ZFPM2: variants seen among roughly 807,000 people sequenced by gnomAD.
ZFPM2 encodes the protein zinc finger protein, FOG family member 2, also known as zinc finger protein ZFPM2.
ZFPM2 carries 20 observed loss-of-function variants against 98.6 expected under a neutral mutation model. That is an observed-to-expected ratio of 0.20 (90% CI 0.14 to 0.29). The LOEUF (loss-of-function observed/expected upper bound fraction) is 0.29, where lower values mean the gene tolerates loss of function less well. Ranked by LOEUF, ZFPM2 falls within the 10% of genes least tolerant of loss-of-function variation. The probability of loss-of-function intolerance (pLI) is 1.00; values close to 1 mark genes in which losing one functional copy is unlikely to be tolerated. For synonymous variants in ZFPM2, 518 were observed against 502.7 expected, an observed-to-expected ratio of 1.03 and a Z score of -0.41; for missense variants, 1,310 against 1,388.6, an observed-to-expected ratio of 0.94 and a Z score of 0.90.
chr8:105,522,357 T>C (rs1782155981), intron 3 of ZFPM2, among the ~76,000 whole-genome samples: 1 of 152,230 alleles, frequency 6.6e-6, no homozygotes, highest in Admixed American at 6.5e-5. Flanking sequence ...CTTTTCACCA[T>C]GTAATTAAAT....
intron 5 of ZFPM2, among the ~76,000 whole-genome samples, chr8:105,755,228 A>G (rs1250205216): frequency 1.3e-5 from 2 of 152,124 alleles, no homozygotes. Context: ...TTCCAACGCA[A>G]GTTTTGTGCC....
chr8:105,356,078 T>C (rs571145410), intron 1 of ZFPM2, among the ~76,000 whole-genome samples: 1 of 152,202 alleles, frequency 6.6e-6, no homozygotes, highest in Non-Finnish European at 1.5e-5. Flanking sequence ...TACATGGAAG[T>C]TTTTGTGAAA....
At chr8:105,396,238 C>T (rs1256733758) in intron 1 of ZFPM2, among the ~76,000 whole-genome samples, 2 of 152,090 alleles carry the variant, frequency 1.3e-5, no homozygotes, top group Admixed American at 6.6e-5. Flanking sequence ...ATAACATATT[C>T]GTTAGATACA....
chr8:105,350,310 G>A (rs191277986), intron 1 of ZFPM2, among the ~76,000 whole-genome samples: 134 of 152,254 alleles, frequency 8.8e-4, no homozygotes, highest in Non-Finnish European at 1.5e-3. Context: ...TTCCTTGGCC[G>A]TAGGTGGGTT....
chr8:105,529,946 G>T (rs143684485), intron 3 of ZFPM2, among the ~76,000 whole-genome samples: 2 of 151,948 alleles, frequency 1.3e-5, no homozygotes, highest in East Asian at 3.9e-4. Flanking sequence ...GGTCAGGCTG[G>T]TCTAGAACTC....
At chr8:105,783,754 T>C (rs966184135) in intron 5 of ZFPM2, among the ~76,000 whole-genome samples, 3 of 152,158 alleles carry the variant, frequency 2.0e-5, no homozygotes, top group African/African-American at 7.2e-5. Flanking sequence ...GTTGTATGTG[T>C]AGATCACATG....
chr8:105,586,896 T>C (rs1815731358), intron 4 of ZFPM2, among the ~76,000 whole-genome samples: 1 of 149,794 alleles, frequency 6.7e-6, no homozygotes, highest in Non-Finnish European at 1.5e-5. Flanking sequence ...TTTGGGAAAA[T>C]ATTTCTGCTT....
chr8:105,462,523 C>T (rs1488897677), intron 3 of ZFPM2, among the ~76,000 whole-genome samples: 2 of 152,112 alleles, frequency 1.3e-5, no homozygotes, highest in South Asian at 2.1e-4. Flanking sequence ...CCTTCAAATT[C>T]TGCTGCTCCA....
In ZFPM2 at chr8:105,566,929, A is replaced by G. The variant is rs73697388; in HGVS notation, c.420+5448A>G. Among the ~76,000 whole-genome samples, 313 of 152,270 alleles carry G rather than the reference A, an allele frequency of 2.1e-3. 2 individuals are homozygous for G. Among genetic ancestry groups the G allele is most frequent in the African/African-American group, 6.7e-3 (280 of 41,574 alleles). ...ACTGAATTTTTTTTAAAAAAATGAA[A>G]TATACATATAAAGGGCACTATAGAT... On this transcript the variant is annotated intron_variant, in intron 4 of 7. Transcript: ENST00000407775.
chr8:105,671,326 T>C (rs977701670), intron 5 of ZFPM2, among the ~76,000 whole-genome samples: 22 of 152,036 alleles, frequency 1.4e-4, no homozygotes, highest in Non-Finnish European at 1.9e-4. Context: ...TTGTCTTCCA[T>C]TTTATATTTA....
intron 2 of ZFPM2, among the ~76,000 whole-genome samples, chr8:105,427,377 G>A (rs1586364515): frequency 6.6e-6 from 1 of 152,122 alleles, no homozygotes; most frequent in Non-Finnish European, 1.5e-5. Context: ...ATGATAATAT[G>A]TACTACTGTT....
At chr8:105,608,930 A>G (rs1187987144) in intron 4 of ZFPM2, among the ~76,000 whole-genome samples, 1 of 152,064 alleles carries the variant, frequency 6.6e-6, no homozygotes, top group Non-Finnish European at 1.5e-5. Context: ...TGAACTATTT[A>G]GTGGGGGGCG....
At chr8:105,369,191 A>G (rs1191649729) in intron 1 of ZFPM2, among the ~76,000 whole-genome samples, 1 of 152,172 alleles carries the variant, frequency 6.6e-6, no homozygotes, top group Non-Finnish European at 1.5e-5. Flanking sequence ...ATTTATCTCA[A>G]TATCAGGTTT....
intron 1 of ZFPM2, among the ~76,000 whole-genome samples, chr8:105,414,199 T>C (rs562416782): frequency 1.3e-5 from 2 of 152,116 alleles, no homozygotes; most frequent in Non-Finnish European, 2.9e-5. Flanking sequence ...GCTAAAGTAA[T>C]GTATAATACA....
At chr8:105,459,001 A>G (rs1359885827) in intron 3 of ZFPM2, among the ~76,000 whole-genome samples, 11 of 152,324 alleles carry the variant, frequency 7.2e-5, no homozygotes, top group Admixed American at 6.5e-5. Flanking sequence ...CACCAATTCT[A>G]ATGCTATAAC....
intron 3 of ZFPM2, among the ~76,000 whole-genome samples, chr8:105,444,788 T>G (rs1179103261): frequency 6.6e-6 from 1 of 152,142 alleles, no homozygotes; most frequent in African/African-American, 2.4e-5. Flanking sequence ...AATACATATT[T>G]AGAAGTTTAG....
intron 1 of ZFPM2, among the ~76,000 whole-genome samples, chr8:105,400,590 T>G (rs79773198): frequency 6.6e-6 from 1 of 152,342 alleles, no homozygotes; most frequent in African/African-American, 2.4e-5. Flanking sequence ...TATTGCTAAA[T>G]GTACTGGATG....
chr8:105,729,788 A>G (rs1386569307), intron 5 of ZFPM2, among the ~76,000 whole-genome samples: 4 of 151,554 alleles, frequency 2.6e-5, no homozygotes, highest in Admixed American at 6.6e-5. Context: ...CTCATTGTCA[A>G]AGTACAACTT....
chr8:105,433,256 C>G lies in ZFPM2; in HGVS notation c.200-11024C>G, dbSNP rs78475651. Among the ~76,000 whole-genome samples, 1,770 of 152,222 alleles carry G rather than the reference C, an allele frequency of 0.012. 85 individuals carry two copies. In the East Asian group the frequency reaches 0.13, roughly 12 times the overall value. Reference sequence around the variant, plus strand: ...TCATGTGGAAATTTCCCTTATGCATCAAATCTTCAGTGAACTTAAACTTTG... The same window carrying G: ...TCATGTGGAAATTTCCCTTATGCATGAAATCTTCAGTGAACTTAAACTTTG... On this transcript the variant is annotated intron_variant, in intron 2 of 7. Transcript: ENST00000407775.
Sources: gnomAD v4.1 joint callset for allele counts (sites outside exome capture counted in the v4.1 genomes callset) on GRCh38, gnomAD v4.1.1 for gene constraint, MANE v1.5 for transcripts, NCBI Gene and HGNC (gene_info 2026-07-23, HGNC 2026-07-21) for gene names.